The following SNX29 variants were observed in gnomAD, a reference collection of about 807,000 sequenced individuals.
SNX29 encodes the protein sorting nexin 29.
Under a neutral mutation model 102.1 loss-of-function variants are expected in SNX29, and 78 were observed. The ratio of observed to expected loss-of-function variants is 0.76; its 90% confidence interval spans 0.64 to 0.92. The LOEUF (loss-of-function observed/expected upper bound fraction) is 0.92. Ranked by LOEUF, SNX29 falls within the 40% of genes least tolerant of loss-of-function variation. The probability of loss-of-function intolerance (pLI) is 0.00; values close to 1 mark genes in which losing one functional copy is unlikely to be tolerated. For missense variants in SNX29, 1,280 were observed against 1,061.7 expected (o/e 1.21, Z -2.86); for synonymous variants, 580 against 414.5 (o/e 1.40, Z -4.85).
chr16:12,538,304 TAG>T (rs1457275279), intron 20 of SNX29, among the ~76,000 whole-genome samples: 2 of 152,102 alleles, frequency 1.3e-5, no homozygotes, highest in African/African-American at 2.4e-5. Flanking sequence ...TGTTTTTTAG[TAG>T]AGAGGGGGTT....
Position 12,258,529 on chromosome 16 carries a change from C to T in SNX29, c.1679-19404C>T, listed in dbSNP as rs574840724. 1.5e-4 allele frequency among the ~76,000 whole-genome samples: 23 copies of T among 152,250 alleles called. 1 individual carries two copies. The East Asian group carries it at 2.3e-3, about 15-fold the overall frequency. The stretch of plus-strand genomic sequence containing the variant: ...AGAAATTGTTACTCCCGGAAATTCT[C>T]CTTACTTATCTGCTCATTTGCTGCA... On this transcript the variant is annotated intron_variant, in intron 14 of 20. Transcript: ENST00000566228.
intron 15 of SNX29, among the ~76,000 whole-genome samples, chr16:12,289,272 C>T (rs1356594755): frequency 6.6e-6 from 1 of 152,230 alleles, no homozygotes; most frequent in Non-Finnish European, 1.5e-5. Flanking sequence ...GAAGGGTCCA[C>T]TACTGGCACT....
intron 13 of SNX29, among the ~76,000 whole-genome samples, chr16:12,151,590 A>G (rs1382551623): frequency 6.6e-6 from 1 of 152,144 alleles, no homozygotes; most frequent in Non-Finnish European, 1.5e-5. Context: ...TACCCCACAG[A>G]TCTTCAGATC....
chr16:12,283,207 C>G (rs544013926), intron 15 of SNX29, among the ~76,000 whole-genome samples: 1 of 152,234 alleles, frequency 6.6e-6, no homozygotes, highest in East Asian at 1.9e-4. Context: ...GCTTTTCTTA[C>G]CCTGGGAGCA....
chr16:12,029,602 T>A (rs1338261569), intron 4 of SNX29: 1 of 453,714 alleles, frequency 2.2e-6, no homozygotes, highest in East Asian at 6.9e-5. Flanking sequence ...GATTTTTTTT[T>A]TTTTTTTTAG....
At chr16:11,997,139 A>C (rs140410612) in intron 1 of SNX29, among the ~76,000 whole-genome samples, 2 of 152,138 alleles carry the variant, frequency 1.3e-5, no homozygotes, top group African/African-American at 4.8e-5. Flanking sequence ...TGTGACTGAC[A>C]TCTGCCCGCC....
intron 18 of SNX29, among the ~76,000 whole-genome samples, chr16:12,434,523 C>CA (rs2085448753): frequency 1.3e-5 from 2 of 152,080 alleles, no homozygotes; most frequent in East Asian, 3.9e-4. Context: ...AAGTGCTAGT[C>CA]GGGGGTAATA....
At chr16:12,081,336 G>T (rs1394673440) in intron 11 of SNX29, 1 of 152,192 alleles carries the variant, frequency 6.6e-6, no homozygotes, top group Admixed American at 6.5e-5. Context: ...TTTGGGTGCA[G>T]TCCCCGCACC....
chr16:12,356,074 G>C lies in SNX29; in HGVS notation c.1783-89G>C, dbSNP rs1024420913. ...ACAGCCTACAGATGTTTTGCTGACAGGTGTCAGGAAGGAGAGTCCAGAGAA... is the reference window on the plus strand; with the variant it reads ...ACAGCCTACAGATGTTTTGCTGACACGTGTCAGGAAGGAGAGTCCAGAGAA... On this transcript the variant is annotated intron_variant, in intron 15 of 20. Coordinates refer to ENST00000566228, the MANE Select transcript of SNX29 (RefSeq NM_032167.5). The C allele has an allele frequency of 4.5e-5, 54 of 1,208,104 alleles. No individual in the cohort carries two copies. In the African/African-American group the frequency reaches 7.7e-4, roughly 17 times the overall value. The allele number at this position is 1,208,104 out of a possible 1,614,324, so 74.8% of individuals were successfully genotyped here.
chr16:12,564,057 C>G (rs918299219), intron 20 of SNX29, among the ~76,000 whole-genome samples: 1 of 151,850 alleles, frequency 6.6e-6, no homozygotes, highest in Non-Finnish European at 1.5e-5. Context: ...TGTGGTTTGG[C>G]AACGATGCTG....
At chr16:12,343,030 T>C (rs1263782105) in intron 15 of SNX29, among the ~76,000 whole-genome samples, 1 of 152,206 alleles carries the variant, frequency 6.6e-6, no homozygotes, top group Non-Finnish European at 1.5e-5. Context: ...GCTCATAAAA[T>C]TTAATGTTCT....
chr16:12,113,129 C>G (rs1188291521), intron 11 of SNX29, among the ~76,000 whole-genome samples: 5 of 152,248 alleles, frequency 3.3e-5, no homozygotes, highest in Admixed American at 6.5e-5. Flanking sequence ...CTTCCCTGCT[C>G]TCCAGGACTG....
intron 18 of SNX29, among the ~76,000 whole-genome samples, chr16:12,437,598 G>T (rs927756626): frequency 6.6e-6 from 1 of 152,150 alleles, no homozygotes; most frequent in East Asian, 1.9e-4. Context: ...CTGGTTAGCT[G>T]TTCTGAGTCC....
Position 12,129,694 on chromosome 16 carries a change from A to G in SNX29, c.1531A>G (p.Thr511Ala). The change falls in exon 13 of 21, where the codon ACC becomes GCC. Residue 511 changes from threonine to alanine, a missense_variant. Physicochemically the swap from Thr to Ala is moderately conservative, Grantham distance 58. Coordinates refer to ENST00000566228, the MANE Select transcript of SNX29 (RefSeq NM_032167.5). The part of the protein sequence containing the change: ...HSAALRQEVD[T>A]LKRKVAEQEE... ...AGCCGCGCTCCGGCAAGAGGTGGAC[A>G]CCTTGAAAAGGAAGGTGGCTGAACA... The G allele has an allele frequency of 6.2e-7, 1 of 1,611,172 alleles. No homozygotes were observed. The highest frequency in any genetic ancestry group is 8.5e-7 in the Non-Finnish European group (1 of 1,179,562).
chr16:12,536,630 G>C (rs905234632), intron 20 of SNX29, among the ~76,000 whole-genome samples: 1 of 152,196 alleles, frequency 6.6e-6, no homozygotes, highest in Non-Finnish European at 1.5e-5. Flanking sequence ...TGCAGCAGGG[G>C]TGTATACAGC....
chr16:12,269,710 C>G (rs188048517), intron 14 of SNX29, among the ~76,000 whole-genome samples: 1 of 152,258 alleles, frequency 6.6e-6, no homozygotes, highest in Non-Finnish European at 1.5e-5. Flanking sequence ...TAACCAATGT[C>G]TTGAAGCCTT....
intron 16 of SNX29, among the ~76,000 whole-genome samples, chr16:12,389,652 G>T (rs1392375994): frequency 1.3e-5 from 2 of 152,108 alleles, no homozygotes; most frequent in African/African-American, 2.4e-5. Flanking sequence ...AAAAAATCAT[G>T]TTTGTGTAAC....
chr16:12,478,400 G>A, intron 19 of SNX29, among the ~76,000 whole-genome samples: 1 of 152,126 alleles, frequency 6.6e-6, no homozygotes, highest in East Asian at 1.9e-4. Context: ...AGAGGAGTTT[G>A]TTGTTGTTGT....
intron 20 of SNX29, among the ~76,000 whole-genome samples, chr16:12,549,779 C>A (rs946503473): frequency 1.1e-4 from 17 of 152,242 alleles, no homozygotes; most frequent in Admixed American, 1.1e-3. Context: ...CAGGTGATTT[C>A]TACTTGCAGA....
Sources: gnomAD v4.1 joint callset for allele counts (sites outside exome capture counted in the v4.1 genomes callset) on GRCh38, gnomAD v4.1.1 for gene constraint, MANE v1.5 for transcripts, NCBI Gene and HGNC (gene_info 2026-07-23, HGNC 2026-07-21) for gene names.